AHCY: variants seen among roughly 807,000 people sequenced by gnomAD.
AHCY encodes S-adenosyl-L-homocysteine hydrolase.
Under a neutral mutation model 45.4 loss-of-function variants are expected in AHCY, and 24 were observed. The observed-to-expected ratio is 0.53, with a 90% CI of 0.38 to 0.74. The LOEUF is 0.74. AHCY is among the 30% of genes least tolerant of loss of function. The pLI is 0.00. For missense variants in AHCY, 449 were observed against 594.1 expected (o/e 0.76, Z 2.54); for synonymous variants, 245 against 235.1 (o/e 1.04, Z -0.39).
chr20:34,273,405 A>G, the AHCY span, among the ~76,000 whole-genome samples: 1 of 152,202 alleles, frequency 6.6e-6, no homozygotes, highest in African/African-American at 2.4e-5. Context: ...GGTAGCATCA[A>G]AAGTGACTTG....
upstream of AHCY, among the ~76,000 whole-genome samples, chr20:34,306,370 CTTT>C (rs11478081): frequency 1.2e-4 from 16 of 137,824 alleles, no homozygotes; most frequent in Admixed American, 2.2e-4. Context: ...ATTTCAGCTT[CTTT>C]TTTTTTTTTT....
In AHCY at chr20:34,280,988, G is replaced by C. The variant is rs1453504546; in HGVS notation, c.*46C>G. 1 of 1,612,726 alleles carries C rather than the reference G, an allele frequency of 6.2e-7. No homozygotes were observed. The highest frequency in any genetic ancestry group is 8.5e-7 in the Non-Finnish European group (1 of 1,179,642). On this transcript the variant is annotated 3_prime_UTR_variant, in exon 10 of 10. Coordinates refer to ENST00000217426, the MANE Select transcript of AHCY (RefSeq NM_000687.4). ...TTAGCTCTTAGGGAGGAGAGGTGGG[G>C]CCTGGGCAAGGACAGCAGCTGGAGG...
intron 2 of AHCY, 66 bp downstream of exon 2, chr20:34,295,329 C>A (rs759923774): frequency 5.0e-6 from 8 of 1,592,200 alleles, no homozygotes; most frequent in Non-Finnish European, 6.9e-6. Context: ...CTGGCACAGT[C>A]GTCTTCTTCC....
intron 4 of AHCY, 77 bp from the exon 5 acceptor site, chr20:34,291,608 A>T: frequency 7.8e-7 from 1 of 1,288,986 alleles, no homozygotes; most frequent in Non-Finnish European, 1.1e-6. Flanking sequence ...TTACCCCCTA[A>T]AGCCATTCCT....
chr20:34,240,715 G>T, the AHCY span, among the ~76,000 whole-genome samples: 4 of 152,130 alleles, frequency 2.6e-5, no homozygotes, highest in Admixed American at 2.6e-4. Context: ...GTTTTTCTAG[G>T]TTAACTCAAT....
rs2036428772 is a variant in AHCY, at chr20:34,292,432, G to A, written c.371C>T (p.Pro124Leu). The A allele has an allele frequency of 1.9e-5, 31 of 1,613,904 alleles. No individual in the cohort carries two copies. Among genetic ancestry groups the A allele is most frequent in the Non-Finnish European group, 2.5e-5 (29 of 1,180,044 alleles). The change falls in exon 4 of 10, where the codon CCC (proline) becomes CTC (leucine). Residue 124 changes from proline to leucine, a missense_variant. Pro to Leu is a moderately conservative substitution (Grantham distance 98). Transcript: ENST00000217426. ...CCCGTCGTCCAGAATCATGTTGAGG[G>A]GCCCGTCCTTGAAGTACAGGGTCTG... ...IEQTLYFKDG[P>L]LNMILDDGGD... is the part of the protein sequence containing the mutation.
At chr20:34,291,647 TC>T in intron 4 of AHCY, 116 bp from the exon 5 acceptor site, 1 of 946,928 alleles carries the variant, frequency 1.1e-6, no homozygotes, top group Non-Finnish European at 1.7e-6. Context: ...CTGTGACTGA[TC>T]CCACAGGCCC....
the AHCY span, among the ~76,000 whole-genome samples, chr20:34,265,038 C>T: frequency 3.3e-5 from 5 of 151,980 alleles, no homozygotes; most frequent in African/African-American, 1.2e-4. Context: ...TCAGGCAATC[C>T]GCTGCTTCTG....
At position 34,280,899 on chromosome 20, in the gene AHCY, C is replaced by G; in HGVS notation, c.*135G>C. ...TGACGGCTGCAGCAGAGGCCAAAAA[C>G]TAAGTGATCAGCCCCAGAGAGTCGA... On this transcript the variant is annotated 3_prime_UTR_variant, in exon 10 of 10. Coordinates refer to ENST00000217426, the MANE Select transcript of AHCY (RefSeq NM_000687.4). 1.4e-5 allele frequency: 20 copies of G among 1,398,194 alleles called. No homozygotes were observed. Among genetic ancestry groups the G allele is most frequent in the Non-Finnish European group, 2.0e-5 (20 of 1,020,352 alleles). The allele number at this position is 1,398,194 out of a possible 1,614,324, so 86.6% of individuals were successfully genotyped here.
intron 1 of AHCY, among the ~76,000 whole-genome samples, chr20:34,309,307 GCT>G (rs1427140610): frequency 2.0e-5 from 3 of 152,230 alleles, no homozygotes; most frequent in Non-Finnish European, 2.9e-5. Context: ...ATATTTTGCA[GCT>G]CTGTTTTCCA....
chr20:34,286,090 G>C, intron 8 of AHCY: 1 of 210,302 alleles, frequency 4.8e-6, no homozygotes, highest in Non-Finnish European at 9.7e-6. Context: ...GGGCGACGGA[G>C]CGAGACTCTG....
intron 1 of AHCY, among the ~76,000 whole-genome samples, chr20:34,297,163 C>T (rs2036600850): frequency 1.3e-5 from 2 of 152,118 alleles, no homozygotes; most frequent in Non-Finnish European, 2.9e-5. Context: ...CCTTCTACCC[C>T]CTTTCCCTTT....
At chr20:34,281,283 A>G (rs536976539) in intron 9 of AHCY, 118 bp from the exon 10 acceptor site, 19 of 1,472,776 alleles carry the variant, frequency 1.3e-5, no homozygotes, top group Non-Finnish European at 1.7e-5. Flanking sequence ...TGTGGTACTC[A>G]TGTTAACTCT....
intron 8 of AHCY, among the ~76,000 whole-genome samples, chr20:34,286,693 C>A (rs1008706273): frequency 6.6e-6 from 1 of 151,906 alleles, no homozygotes; most frequent in African/African-American, 2.4e-5. Flanking sequence ...ATTAGCCAGG[C>A]ATGGTAGCAC....
the AHCY span, among the ~76,000 whole-genome samples, chr20:34,234,524 CCTTT>C: frequency 2.0e-5 from 3 of 147,762 alleles, no homozygotes; most frequent in Non-Finnish European, 3.0e-5. Flanking sequence ...TTCCTTCCTT[CCTTT>C]CTTTCCTTTC....
chr20:34,294,306 G>C (rs1265059769), intron 2 of AHCY, 150 bp from the exon 3 acceptor site: 1 of 784,468 alleles, frequency 1.3e-6, no homozygotes, highest in Non-Finnish European at 2.2e-6. Context: ...GGGGATGCTG[G>C]GTGGGCAGAT....
the AHCY span, chr20:34,262,776 T>C: frequency 1.7e-5 from 28 of 1,602,600 alleles, no homozygotes; most frequent in Non-Finnish European, 2.4e-5. Flanking sequence ...CTCACTTCAC[T>C]GCAGCTCAAC....
intron 8 of AHCY, among the ~76,000 whole-genome samples, chr20:34,287,386 A>AT (rs11479058): frequency 2.0e-3 from 230 of 115,718 alleles, no homozygotes; most frequent in African/African-American, 5.1e-3. Flanking sequence ...TATTTTATTA[A>AT]TTTTTTTTTT....
the AHCY span, among the ~76,000 whole-genome samples, chr20:34,245,644 C>T: frequency 6.6e-6 from 1 of 151,984 alleles, no homozygotes; most frequent in Non-Finnish European, 1.5e-5. Context: ...CCGCCTTGGC[C>T]TCCCAAAGTG....
Sources: allele counts gnomAD v4.1 joint callset (sites outside exome capture counted in the v4.1 genomes callset), GRCh38; gene constraint gnomAD v4.1.1; transcripts MANE v1.5; gene names NCBI Gene and HGNC (gene_info 2026-07-23, HGNC 2026-07-21).